The following DNAJC1 variants were observed in gnomAD, a reference collection of about 807,000 sequenced individuals.
The protein encoded by DNAJC1 is dnaJ homolog subfamily C member 1.
DNAJC1 carries 58 observed loss-of-function variants against 76.6 expected under a neutral mutation model. The observed-to-expected ratio is 0.76, with a 90% CI of 0.61 to 0.94. DNAJC1 has a LOEUF of 0.94. Ranked by LOEUF, DNAJC1 falls within the 40% of genes least tolerant of loss-of-function variation. DNAJC1 has a pLI of 0.00. For synonymous variants in DNAJC1, 258 were observed against 267.9 expected, an observed-to-expected ratio of 0.96 and a Z score of 0.36; for missense variants, 689 against 677.3, an observed-to-expected ratio of 1.02 and a Z score of -0.19.
At chr10:21,810,569 C>A (rs1227794470) in intron 8 of DNAJC1, among the ~76,000 whole-genome samples, 1 of 152,186 alleles carries the variant, frequency 6.6e-6, no homozygotes, top group African/African-American at 2.4e-5. Flanking sequence ...AAGTCTTTGG[C>A]ACTAACAAAT....
At chr10:21,801,021 A>C (rs1834807360) in intron 9 of DNAJC1, among the ~76,000 whole-genome samples, 1 of 152,202 alleles carries the variant, frequency 6.6e-6, no homozygotes, top group Non-Finnish European at 1.5e-5. Context: ...TCTACTAACA[A>C]CTGTGTCACC....
chr10:21,984,318 T>G (rs554492800), intron 1 of DNAJC1, among the ~76,000 whole-genome samples: 1 of 152,296 alleles, frequency 6.6e-6, no homozygotes, highest in South Asian at 2.1e-4. Flanking sequence ...AGAATAGAAG[T>G]AAAGCAGTTC....
rs1429196918 is a variant in DNAJC1, at chr10:21,766,265, G to A, written c.1143C>T (p.Ser381=). 2 of 1,611,732 alleles carry A rather than the reference G, an allele frequency of 1.2e-6. No individual in the cohort carries two copies. Among genetic ancestry groups the A allele is most frequent in the Non-Finnish European group, 1.7e-6 (2 of 1,177,892 alleles). The change falls in exon 10 of 12, where the codon TCC becomes TCT. Residue 381 remains serine, a synonymous_variant. Transcript: ENST00000376980. The stretch of plus-strand genomic sequence containing the variant: ...ATAGAGGAAGTATGAACTCACCTGG[G>A]GAGCAGGTCACTGAATCCTTCAGTT... The part of the protein sequence containing the change: ...AKQLKDSVTC[S]PGMVRLSELK...
chr10:21,849,619 G>C (rs541532676), intron 8 of DNAJC1, among the ~76,000 whole-genome samples: 1 of 152,174 alleles, frequency 6.6e-6, no homozygotes, highest in South Asian at 2.1e-4. Context: ...ATTTTATGAT[G>C]CCAGTATTAC....
rs533040299 is a variant in DNAJC1 at position 21,834,355 on chromosome 10, C to T, written c.979-28256G>A. 7.2e-5 allele frequency among the ~76,000 whole-genome samples: 11 copies of T among 152,302 alleles called. No individual in the cohort carries two copies. The East Asian group carries it at 1.3e-3, about 19-fold the overall frequency. ...GACTAAGGAGAGGAGCCAAGATGGC[C>T]GAATGGGAACAGCTCTGGTCTACAG... On this transcript the variant is annotated intron_variant, in intron 8 of 11. Transcript: ENST00000376980.
intron 6 of DNAJC1, among the ~76,000 whole-genome samples, chr10:21,905,673 A>G (rs1836732954): frequency 1.3e-5 from 2 of 152,196 alleles, no homozygotes; most frequent in African/African-American, 4.8e-5. Flanking sequence ...AGAAATTGAG[A>G]AAGGGATACT....
chr10:21,798,401 C>CA (rs1402027607), intron 9 of DNAJC1, among the ~76,000 whole-genome samples: 9 of 152,098 alleles, frequency 5.9e-5, no homozygotes, highest in Non-Finnish European at 8.8e-5. Flanking sequence ...CCACCTTGGC[C>CA]AAAAAGGGCC....
intron 7 of DNAJC1, among the ~76,000 whole-genome samples, chr10:21,893,216 AAAT>A (rs1836485748): frequency 6.6e-6 from 1 of 152,222 alleles, no homozygotes; most frequent in South Asian, 2.1e-4. Flanking sequence ...TGTTTAATAG[AAAT>A]ATAACAAAAA....
At chr10:21,896,703 G>A (rs1231000737) in intron 7 of DNAJC1, among the ~76,000 whole-genome samples, 2 of 151,926 alleles carry the variant, frequency 1.3e-5, no homozygotes, top group African/African-American at 4.8e-5. Context: ...TAATTAATAT[G>A]TTTTGTATGT....
chr10:21,891,117 G>C (rs1013788396), intron 7 of DNAJC1, among the ~76,000 whole-genome samples: 1 of 152,136 alleles, frequency 6.6e-6, no homozygotes, highest in African/African-American at 2.4e-5. Flanking sequence ...TTGAACCCAG[G>C]AGGCGGAGGT....
At chr10:21,944,346 C>T (rs527632362) in intron 1 of DNAJC1, among the ~76,000 whole-genome samples, 1 of 152,262 alleles carries the variant, frequency 6.6e-6, no homozygotes, top group South Asian at 2.1e-4. Flanking sequence ...TCCTTATCTC[C>T]ATATAAATAG....
intron 1 of DNAJC1, among the ~76,000 whole-genome samples, chr10:21,958,983 T>C (rs1186842448): frequency 6.6e-6 from 1 of 152,144 alleles, no homozygotes. Flanking sequence ...TTTTAATATT[T>C]AACAATCTTT....
rs182317271 is a variant in DNAJC1, at chr10:21,893,810, G to A, written c.820+10712C>T. On this transcript the variant is annotated intron_variant, in intron 7 of 11. Coordinates refer to ENST00000376980, the MANE Select transcript of DNAJC1 (RefSeq NM_022365.4). Reference sequence around the variant, plus strand: ...ACAATCCAAAAGCAAGCAGAAGGAAGGAAGTAATAAAAATAAGAGCAGAAA... The same window carrying A: ...ACAATCCAAAAGCAAGCAGAAGGAAAGAAGTAATAAAAATAAGAGCAGAAA... Among the ~76,000 whole-genome samples the A allele has an allele frequency of 2.7e-3, 404 of 151,536 alleles. 1 individual carries two copies. Among genetic ancestry groups the A allele is most frequent in the African/African-American group, 9.5e-3 (394 of 41,382 alleles).
intron 7 of DNAJC1, among the ~76,000 whole-genome samples, chr10:21,900,578 T>A (rs1335743512): frequency 6.6e-6 from 1 of 152,178 alleles, no homozygotes; most frequent in African/African-American, 2.4e-5. Flanking sequence ...TATTCAAATA[T>A]CCTAGGATAT....
At chr10:21,944,410 AT>A (rs1837471822) in intron 1 of DNAJC1, among the ~76,000 whole-genome samples, 1 of 152,102 alleles carries the variant, frequency 6.6e-6, no homozygotes, top group African/African-American at 2.4e-5. Context: ...GTCAGGGAAA[AT>A]TTTTAAGTTT....
intron 7 of DNAJC1, among the ~76,000 whole-genome samples, chr10:21,891,093 G>A (rs947177932): frequency 6.6e-6 from 1 of 152,110 alleles, no homozygotes; most frequent in African/African-American, 2.4e-5. Context: ...AGGAGGCTGA[G>A]GCAGGAGAAT....
At chr10:21,758,800 T>C (rs1834206283) in intron 11 of DNAJC1, among the ~76,000 whole-genome samples, 2 of 152,390 alleles carry the variant, frequency 1.3e-5, no homozygotes, top group East Asian at 3.9e-4. Flanking sequence ...CTTTCCATCC[T>C]GACCCTTCCC....
intron 8 of DNAJC1, 100 bp from the exon 9 acceptor site, chr10:21,806,199 C>G: frequency 7.7e-7 from 1 of 1,304,104 alleles, no homozygotes; most frequent in Non-Finnish European, 1.0e-6. Context: ...TGCTGTGAAG[C>G]AAATTATTGG....
chr10:21,858,157 A>T (rs955810195), intron 8 of DNAJC1, among the ~76,000 whole-genome samples: 2 of 152,154 alleles, frequency 1.3e-5, no homozygotes, highest in African/African-American at 4.8e-5. Flanking sequence ...TGCATTAAAA[A>T]TTTTTTTATG....
Sources: gnomAD v4.1 joint callset for allele counts (sites outside exome capture counted in the v4.1 genomes callset) on GRCh38, gnomAD v4.1.1 for gene constraint, MANE v1.5 for transcripts, NCBI Gene and HGNC (gene_info 2026-07-23, HGNC 2026-07-21) for gene names.